FMN1: variants seen among roughly 807,000 people sequenced by gnomAD.
FMN1 encodes the protein formin-1.
In FMN1, 110 loss-of-function variants were observed where a neutral mutation model predicts 132.4. The ratio of observed to expected loss-of-function variants is 0.83; its 90% confidence interval spans 0.71 to 0.97. The LOEUF (loss-of-function observed/expected upper bound fraction) is 0.97. FMN1 is among the 50% of genes least tolerant of loss of function. The pLI is 0.00. For synonymous variants in FMN1, 722 were observed against 651.7 expected (o/e 1.11, Z -1.64); for missense variants, 1,792 against 1,705.3 (o/e 1.05, Z -0.90).
intron 4 of FMN1, among the ~76,000 whole-genome samples, chr15:33,136,324 G>A (rs924766570): frequency 1.3e-5 from 2 of 152,216 alleles, no homozygotes; most frequent in African/African-American, 4.8e-5. Context: ...ATGTCTTGGA[G>A]AGGTTTAAAT....
chr15:32,845,034 T>C (rs1357313322), intron 17 of FMN1, among the ~76,000 whole-genome samples: 1 of 152,240 alleles, frequency 6.6e-6, no homozygotes, highest in East Asian at 1.9e-4. Flanking sequence ...TGCGAAACTA[T>C]GTATTATATA....
chr15:33,027,255 T>C (rs1329368898), intron 6 of FMN1, among the ~76,000 whole-genome samples: 1 of 152,210 alleles, frequency 6.6e-6, no homozygotes, highest in Admixed American at 6.5e-5. Flanking sequence ...GAGCTATACC[T>C]ATTTTCTATT....
intron 16 of FMN1, among the ~76,000 whole-genome samples, chr15:32,883,668 A>G (rs2059826477): frequency 6.6e-6 from 1 of 151,946 alleles, no homozygotes; most frequent in Non-Finnish European, 1.5e-5. Flanking sequence ...TTCACCAACA[A>G]CCGTGTTGCT....
intron 6 of FMN1, chr15:33,012,553 G>A (rs2034789145): frequency 6.6e-7 from 1 of 1,525,718 alleles, no homozygotes; most frequent in Non-Finnish European, 9.0e-7. Flanking sequence ...CAAGAAAAGG[G>A]GCTTTGCCTT....
At chr15:33,134,436 G>A (rs1218442992) in intron 4 of FMN1, among the ~76,000 whole-genome samples, 1 of 152,158 alleles carries the variant, frequency 6.6e-6, no homozygotes, top group Non-Finnish European at 1.5e-5. Flanking sequence ...TAAATAAAAA[G>A]TGTGTGTTTG....
At chr15:33,039,062 G>A (rs1307945725) in intron 6 of FMN1, among the ~76,000 whole-genome samples, 1 of 152,114 alleles carries the variant, frequency 6.6e-6, no homozygotes, top group Non-Finnish European at 1.5e-5. Context: ...GAGAAAAACT[G>A]AATTGGGGGA....
At chr15:33,095,220 T>C (rs928848308) in intron 4 of FMN1, among the ~76,000 whole-genome samples, 3 of 151,938 alleles carry the variant, frequency 2.0e-5, no homozygotes, top group African/African-American at 7.3e-5. Context: ...TGGTGGGTGG[T>C]GCCTGTAATC....
intron 2 of FMN1, among the ~76,000 whole-genome samples, chr15:33,186,437 A>G (rs115024802): frequency 0.037 from 5,644 of 152,172 alleles, 341 homozygotes; most frequent in African/African-American, 0.13. Context: ...ACTGTTCTCT[A>G]GTTTATCAGT....
chr15:32,826,141 C>T (rs1033233052), intron 17 of FMN1, among the ~76,000 whole-genome samples: 1 of 152,248 alleles, frequency 6.6e-6, no homozygotes, highest in Non-Finnish European at 1.5e-5. Context: ...AAATCTATCA[C>T]TGACTTAGCA....
At chr15:32,839,921 G>T (rs2058709350) in intron 17 of FMN1, among the ~76,000 whole-genome samples, 1 of 116,438 alleles carries the variant, frequency 8.6e-6, no homozygotes, top group Non-Finnish European at 1.9e-5. Flanking sequence ...CTGTATACTT[G>T]ATGGGAGGGA....
chr15:33,092,531 T>C (rs1162022177), intron 4 of FMN1, among the ~76,000 whole-genome samples: 1 of 152,150 alleles, frequency 6.6e-6, no homozygotes, highest in Non-Finnish European at 1.5e-5. Flanking sequence ...CGCCCTGTGC[T>C]TCTGCCCTCA....
chr15:33,097,975 T>G (rs913892162), intron 4 of FMN1, among the ~76,000 whole-genome samples: 1 of 152,182 alleles, frequency 6.6e-6, no homozygotes, highest in Admixed American at 6.5e-5. Flanking sequence ...CATATGGAAT[T>G]TATCAAAATA....
chr15:32,867,735 C>A (rs1011032791), intron 16 of FMN1, among the ~76,000 whole-genome samples: 1 of 152,180 alleles, frequency 6.6e-6, no homozygotes, highest in African/African-American at 2.4e-5. Context: ...TCGTGATCTG[C>A]CCGCCTCGGC....
intron 4 of FMN1, among the ~76,000 whole-genome samples, chr15:33,138,264 A>G (rs546281455): frequency 1.3e-5 from 2 of 152,236 alleles, no homozygotes; most frequent in East Asian, 1.9e-4. Context: ...AGGGAATCAG[A>G]TTTCTATCGA....
At chr15:32,811,669 CTT>C (rs61341012) in intron 17 of FMN1, among the ~76,000 whole-genome samples, 2 of 145,206 alleles carry the variant, frequency 1.4e-5, no homozygotes. Flanking sequence ...ATTTTATTTG[CTT>C]TTTTTTTTTT....
rs371921827 is a variant in FMN1 at position 32,857,019 on chromosome 15, T to C, written c.3924A>G (p.Gln1308=). The part of the protein sequence containing the change: ...PFKDKLEEFF[Q]KAKKEHKMEE... ...GCGGCTGACAAAGCTTCCTACCTTT[T>C]TGGAAGAACTCCTCTAGTTTGTCCT... The change falls in exon 17 of 21, where the codon CAA becomes CAG. Residue 1308 remains glutamine (Q), a synonymous_variant. Transcript: ENST00000616417. 3 of 1,610,468 alleles carry C rather than the reference T, an allele frequency of 1.9e-6. No homozygotes were observed. The highest frequency in any genetic ancestry group is 2.7e-5 in the African/African-American group (2 of 74,836).
intron 9 of FMN1, among the ~76,000 whole-genome samples, chr15:32,934,927 CTT>C (rs71309472): frequency 8.5e-5 from 12 of 141,320 alleles, no homozygotes; most frequent in Non-Finnish European, 1.1e-4. Flanking sequence ...TTTTCTTTTT[CTT>C]TTTTTTTTTT....
intron 8 of FMN1, among the ~76,000 whole-genome samples, chr15:32,968,058 A>C (rs1283966049): frequency 6.6e-6 from 1 of 152,238 alleles, no homozygotes. Context: ...CCAGCTTAAC[A>C]ATCTATACAA....
chr15:32,959,801 G>C (rs758108623), intron 9 of FMN1, among the ~76,000 whole-genome samples: 4 of 152,208 alleles, frequency 2.6e-5, no homozygotes, highest in Non-Finnish European at 5.9e-5. Context: ...CACCAAAACA[G>C]AAGTGAATAG....
Sources: allele counts gnomAD v4.1 joint callset (sites outside exome capture counted in the v4.1 genomes callset), GRCh38; gene constraint gnomAD v4.1.1; transcripts MANE v1.5; gene names NCBI Gene and HGNC (gene_info 2026-07-23, HGNC 2026-07-21).